CPVL: variants seen among roughly 807,000 people sequenced by gnomAD.
CPVL encodes the protein carboxypeptidase vitellogenic like, also known as probable serine carboxypeptidase CPVL.
A neutral mutation model predicts 63.7 loss-of-function variants in CPVL; 51 were observed. The observed-to-expected ratio is 0.80, with a 90% CI of 0.64 to 1.01. The LOEUF is 1.01. Among genes scored for constraint, CPVL ranks in the 50% least tolerant of loss-of-function variants. The pLI is 0.00. For synonymous variants in CPVL, 195 were observed against 206.0 expected (o/e 0.95, Z 0.46); for missense variants, 530 against 573.1 (o/e 0.92, Z 0.77).
intron 12 of CPVL, among the ~76,000 whole-genome samples, chr7:29,026,668 C>T (rs922437442): frequency 3.3e-5 from 5 of 152,058 alleles, no homozygotes; most frequent in South Asian, 2.1e-4. Flanking sequence ...ACATTACAAT[C>T]GATACCACAC....
chr7:29,121,042 T>C lies in CPVL; in HGVS notation c.20A>G (p.Lys7Arg). Residue 7 changes from lysine to arginine, a missense_variant, in exon 2 of 13, where the codon AAG becomes AGG. Transcript: ENST00000265394. MVGAMW[K>R]VIVSLVLLMP... The stretch of plus-strand genomic sequence containing the variant: ...CAACAGGACCAGCGAAACAATCACC[T>C]TCCACATGGCACCAACCATCTCTCA... 17 of 1,606,424 alleles carry C rather than the reference T, an allele frequency of 1.1e-5. No individual in the cohort carries two copies. Among genetic ancestry groups the C allele is most frequent in the Non-Finnish European group, 1.4e-5 (16 of 1,177,586 alleles).
chr7:29,185,284 A>G (rs1798570154), intron 3 of CPVL, among the ~76,000 whole-genome samples: 1 of 152,218 alleles, frequency 6.6e-6, no homozygotes, highest in Admixed American at 6.5e-5. Context: ...CCTATTGTTT[A>G]TGCTTATTCA....
chr7:29,186,443 G>A (rs916807390), intron 2 of CPVL: 4 of 152,088 alleles, frequency 2.6e-5, no homozygotes, highest in Admixed American at 1.3e-4. Context: ...AAGCAGCCAC[G>A]TGCCTGTAGT....
chr7:29,086,064 C>T (rs1785168895), intron 7 of CPVL, among the ~76,000 whole-genome samples: 2 of 152,146 alleles, frequency 1.3e-5, no homozygotes, highest in African/African-American at 2.4e-5. Context: ...GAGGCCGAGG[C>T]GGGCAGATCA....
chr7:29,148,588 C>T (rs142496278), upstream of CPVL: 22 of 152,042 alleles, frequency 1.4e-4, no homozygotes, highest in Non-Finnish European at 2.5e-4. Context: ...AAGAAGTAAA[C>T]GTTCAAATGA....
At chr7:29,038,651 C>A (rs1354027608) in intron 11 of CPVL, among the ~76,000 whole-genome samples, 2 of 152,226 alleles carry the variant, frequency 1.3e-5, no homozygotes, top group African/African-American at 2.4e-5. Flanking sequence ...CTCACACACA[C>A]AGGCACAGGG....
At chr7:29,067,040 G>C (rs1043968261) in intron 9 of CPVL, among the ~76,000 whole-genome samples, 1 of 152,198 alleles carries the variant, frequency 6.6e-6, no homozygotes, top group Non-Finnish European at 1.5e-5. Flanking sequence ...TCAATGGATT[G>C]AAAGGTAGTG....
chr7:29,053,901 A>G (rs1423815371), intron 11 of CPVL, among the ~76,000 whole-genome samples: 2 of 151,706 alleles, frequency 1.3e-5, no homozygotes, highest in Non-Finnish European at 2.9e-5. Flanking sequence ...AAAAAAAAAA[A>G]AAAAGAAAGA....
chr7:29,015,315 G>A (rs10235164), intron 12 of CPVL, among the ~76,000 whole-genome samples: 3,314 of 152,236 alleles, frequency 0.022, 124 homozygotes, highest in African/African-American at 0.074. Context: ...GTTTGGATCT[G>A]TGTCCCCACC....
chr7:29,016,443 T>G (rs1786421555), intron 12 of CPVL, among the ~76,000 whole-genome samples: 1 of 152,134 alleles, frequency 6.6e-6, no homozygotes, highest in Non-Finnish European at 1.5e-5. Flanking sequence ...TAACTCCACC[T>G]TCTTCTCATG....
At chr7:29,035,536 G>C (rs559428867) in intron 11 of CPVL, among the ~76,000 whole-genome samples, 5 of 152,176 alleles carry the variant, frequency 3.3e-5, no homozygotes, top group African/African-American at 4.8e-5. Context: ...TTGGCTCTAT[G>C]GACAGGATGT....
At chr7:29,194,355 G>A (rs1783313880) in intron 1 of CPVL, 1 of 152,368 alleles carries the variant, frequency 6.6e-6, no homozygotes, top group African/African-American at 2.4e-5. Context: ...AGCCCCAGTG[G>A]CGGGAGCTGT....
intron 3 of CPVL, among the ~76,000 whole-genome samples, chr7:29,097,770 G>C (rs1013305521): frequency 1.3e-5 from 2 of 152,204 alleles, no homozygotes; most frequent in African/African-American, 2.4e-5. Context: ...AGTCATTGGA[G>C]GCTGAAAAGG....
At chr7:29,135,057 T>A (rs1295429738) in intron 1 of CPVL, among the ~76,000 whole-genome samples, 3 of 147,320 alleles carry the variant, frequency 2.0e-5, no homozygotes, top group African/African-American at 7.6e-5. Context: ...TGAGCCATGA[T>A]CGCACCACTG....
At chr7:29,185,326 G>A (rs981312904) in intron 3 of CPVL, among the ~76,000 whole-genome samples, 3 of 152,118 alleles carry the variant, frequency 2.0e-5, no homozygotes, top group Non-Finnish European at 4.4e-5. Flanking sequence ...TCATAACATG[G>A]ACCAAAATTT....
At chr7:29,013,262 G>A (rs1786036044) in intron 12 of CPVL, 1 of 152,216 alleles carries the variant, frequency 6.6e-6, no homozygotes. Flanking sequence ...CCAGCTGAAT[G>A]CAGCTGCACA....
intron 12 of CPVL, among the ~76,000 whole-genome samples, chr7:28,999,337 GC>G (rs1478862121): frequency 6.6e-6 from 1 of 152,204 alleles, no homozygotes; most frequent in East Asian, 1.9e-4. Flanking sequence ...CCAGGGCAGG[GC>G]CTAAGAATTT....
intron 12 of CPVL, among the ~76,000 whole-genome samples, chr7:29,029,176 A>T (rs1041503839): frequency 1.3e-5 from 2 of 152,200 alleles, no homozygotes; most frequent in Non-Finnish European, 2.9e-5. Flanking sequence ...GAGGATGCAG[A>T]GAAAATGAAC....
intron 5 of CPVL, among the ~76,000 whole-genome samples, chr7:29,094,535 A>T (rs974632776): frequency 6.6e-6 from 1 of 152,162 alleles, no homozygotes; most frequent in African/African-American, 2.4e-5. Context: ...AGTGAACAGG[A>T]CATCTCATAG....
Sources: gnomAD v4.1 joint callset for allele counts (sites outside exome capture counted in the v4.1 genomes callset) on GRCh38, gnomAD v4.1.1 for gene constraint, MANE v1.5 for transcripts, NCBI Gene and HGNC (gene_info 2026-07-23, HGNC 2026-07-21) for gene names.